C3orf70: variants seen among roughly 807,000 people sequenced by gnomAD.
The protein encoded by C3orf70 is UPF0524 protein C3orf70.
C3orf70 carries 15 observed loss-of-function variants against 20.7 expected under a neutral mutation model. The ratio of observed to expected loss-of-function variants is 0.72; its 90% CI spans 0.48 to 1.11. The LOEUF (loss-of-function observed/expected upper bound fraction) is 1.11, where lower values mean the gene tolerates loss of function less well. Ranked by LOEUF, C3orf70 falls within the 50% of genes most tolerant of loss-of-function variation. The pLI is 0.00. For synonymous variants in C3orf70, 161 were observed against 125.7 expected (o/e 1.28, Z -1.88); for missense variants, 332 against 317.6 (o/e 1.05, Z -0.34).
intron 1 of C3orf70, among the ~76,000 whole-genome samples, chr3:185,089,316 T>C (rs1715518660): frequency 6.6e-6 from 1 of 152,234 alleles, no homozygotes; most frequent in African/African-American, 2.4e-5. Flanking sequence ...TGTGTATTGC[T>C]ACCTGTTACT....
chr3:185,123,848 A>G (rs114283407), intron 1 of C3orf70, among the ~76,000 whole-genome samples: 1,672 of 152,312 alleles, frequency 0.011, 37 homozygotes, highest in African/African-American at 0.039. Flanking sequence ...TGTCCTTTGA[A>G]GAATTTTAAA....
rs1452166162 is a variant in C3orf70 at position 185,078,744 on chromosome 3, C to A, written c.*4263G>T. 2 of 152,160 alleles carry A rather than the reference C, an allele frequency of 1.3e-5. No individual in the cohort carries two copies. The highest frequency in any genetic ancestry group is 1.9e-4 in the East Asian group (1 of 5,196). The allele number at this position is 152,160 out of a possible 1,614,324, so 9.4% of individuals were successfully genotyped here. ...TTTTCCTCATGTAAAAAAGCCAGAA[C>A]GTGACCATAAAATTTTGCAAACAAG... On this transcript the variant is annotated 3_prime_UTR_variant, in exon 2 of 2. Transcript: ENST00000335012.
At chr3:185,142,252 G>A (rs1185999849) in intron 1 of C3orf70, among the ~76,000 whole-genome samples, 4 of 152,128 alleles carry the variant, frequency 2.6e-5, no homozygotes, top group Non-Finnish European at 5.9e-5. Context: ...GAGCTCACAC[G>A]TTTGAGATCA....
At chr3:185,140,132 T>G (rs563061894) in intron 1 of C3orf70, among the ~76,000 whole-genome samples, 111 of 152,358 alleles carry the variant, frequency 7.3e-4, no homozygotes, top group African/African-American at 2.6e-3. Flanking sequence ...TTTCACACCC[T>G]GGGAATACTA....
chr3:185,087,267 A>G (rs1320666657), intron 1 of C3orf70, among the ~76,000 whole-genome samples: 4 of 152,236 alleles, frequency 2.6e-5, no homozygotes, highest in Non-Finnish European at 4.4e-5. Flanking sequence ...GTGAGGGCTC[A>G]GAGAAAAAGA....
intron 1 of C3orf70, among the ~76,000 whole-genome samples, chr3:185,099,896 A>G (rs1326887413): frequency 6.6e-6 from 1 of 152,228 alleles, no homozygotes; most frequent in African/African-American, 2.4e-5. Flanking sequence ...AAACAGAAAA[A>G]GCAGGGGATG....
At chr3:185,125,197 T>C (rs1369721316) in intron 1 of C3orf70, among the ~76,000 whole-genome samples, 2 of 152,090 alleles carry the variant, frequency 1.3e-5, no homozygotes, top group African/African-American at 4.8e-5. Flanking sequence ...TTGACCAACA[T>C]GGAGAAAACC....
At chr3:185,117,479 A>T (rs952278770) in intron 1 of C3orf70, among the ~76,000 whole-genome samples, 1 of 151,022 alleles carries the variant, frequency 6.6e-6, no homozygotes, top group Non-Finnish European at 1.5e-5. Flanking sequence ...AGAGAGAGAG[A>T]AAAGCCACTG....
chr3:185,106,324 G>A (rs1715938994), intron 1 of C3orf70, among the ~76,000 whole-genome samples: 2 of 152,178 alleles, frequency 1.3e-5, no homozygotes, highest in South Asian at 4.1e-4. Context: ...GATGGTATTG[G>A]AGGTAATCTG....
chr3:185,105,356 C>A (rs1009428266), intron 1 of C3orf70, among the ~76,000 whole-genome samples: 2 of 152,232 alleles, frequency 1.3e-5, no homozygotes, highest in African/African-American at 4.8e-5. Context: ...GAACACCTGG[C>A]CCACTCAGGG....
chr3:185,091,522 T>G (rs1715569257), intron 1 of C3orf70, among the ~76,000 whole-genome samples: 1 of 151,882 alleles, frequency 6.6e-6, no homozygotes, highest in African/African-American at 2.4e-5. Flanking sequence ...AGATGGGAGT[T>G]AAGAGGCTGC....
At chr3:185,118,456 T>C (rs1320776091) in intron 1 of C3orf70, among the ~76,000 whole-genome samples, 1 of 152,254 alleles carries the variant, frequency 6.6e-6, no homozygotes, top group Non-Finnish European at 1.5e-5. Context: ...TGACAAGGGC[T>C]GTGTCTTTCA....
At chr3:185,118,483 T>G (rs1274656063) in intron 1 of C3orf70, among the ~76,000 whole-genome samples, 1 of 152,206 alleles carries the variant, frequency 6.6e-6, no homozygotes, top group Non-Finnish European at 1.5e-5. Context: ...TATACCTTGT[T>G]GGTAGCACAG....
rs1253287923 is a variant in C3orf70 at position 185,091,949 on chromosome 3, ATATATATATATATATT to A, written c.197-8402_197-8387del. 3.7e-3 allele frequency among the ~76,000 whole-genome samples: 30 copies of A among 8,142 alleles called. 1 individual carries two copies. Among genetic ancestry groups the A allele is most frequent in the East Asian group, 0.01 (4 of 400 alleles). 5.3% of individuals were successfully genotyped at this position (8,142 alleles called of 152,430 possible). On this transcript the variant is annotated intron_variant, in intron 1 of 1. Coordinates refer to ENST00000335012, the MANE Select transcript of C3orf70 (RefSeq NM_001025266.3). ...TATATATATATATATATATATATAT[ATATATATATATATATT>A]TTTTTTTTTTTTTAGTAGAGACAGG...
chr3:185,151,788 A>G (rs1716994151), intron 1 of C3orf70, among the ~76,000 whole-genome samples: 1 of 152,210 alleles, frequency 6.6e-6, no homozygotes. Context: ...TATATTTCTT[A>G]AAATGAATGA....
intron 1 of C3orf70, among the ~76,000 whole-genome samples, chr3:185,137,953 CAA>C (rs1441736554): frequency 6.6e-6 from 1 of 152,060 alleles, no homozygotes; most frequent in Non-Finnish European, 1.5e-5. Flanking sequence ...ATCAATGAAA[CAA>C]AGAGCTGCCT....
intron 1 of C3orf70, among the ~76,000 whole-genome samples, chr3:185,138,794 A>G (rs1716680359): frequency 6.6e-6 from 1 of 152,208 alleles, no homozygotes; most frequent in African/African-American, 2.4e-5. Flanking sequence ...TACTGCTAAC[A>G]TTATACTTAA....
intron 1 of C3orf70, among the ~76,000 whole-genome samples, chr3:185,142,860 G>A (rs1279621143): frequency 6.6e-6 from 1 of 152,012 alleles, no homozygotes; most frequent in East Asian, 1.9e-4. Context: ...ATCTAATCAC[G>A]ATGAAACAAT....
chr3:185,119,073 T>C (rs1046572464), intron 1 of C3orf70, among the ~76,000 whole-genome samples: 1 of 152,164 alleles, frequency 6.6e-6, no homozygotes, highest in Non-Finnish European at 1.5e-5. Flanking sequence ...ATTTAAATGT[T>C]TTTCCAATGA....
Sources: allele counts gnomAD v4.1 joint callset (sites outside exome capture counted in the v4.1 genomes callset), GRCh38; gene constraint gnomAD v4.1.1; transcripts MANE v1.5; gene names NCBI Gene and HGNC (gene_info 2026-07-23, HGNC 2026-07-21).